Variants in TNPO3 observed in about 807,000 individuals in gnomAD.
The protein encoded by TNPO3 is transportin-3.
Under a neutral mutation model 122.8 loss-of-function variants are expected in TNPO3, and 65 were observed. That is an observed-to-expected ratio of 0.53 (90% CI 0.43 to 0.65). The LOEUF (loss-of-function observed/expected upper bound fraction) is 0.65, where lower values mean the gene tolerates loss of function less well. Among genes scored for constraint, TNPO3 ranks in the 30% least tolerant of loss-of-function variants. The pLI, the probability that TNPO3 is intolerant of heterozygous loss-of-function variation, is 0.00. For synonymous variants in TNPO3, 372 were observed against 411.2 expected (o/e 0.90, Z 1.15); for missense variants, 850 against 1,136.7 (o/e 0.75, Z 3.63).
chr7:128,967,254 C>A, intron 21 of TNPO3, 26 bp downstream of exon 21: 1 of 1,391,966 alleles, frequency 7.2e-7, no homozygotes, highest in South Asian at 1.2e-5. Flanking sequence ...TCCCACACCT[C>A]CTTAAGAACC....
At chr7:128,988,387 A>G (rs1234146863) in intron 11 of TNPO3, among the ~76,000 whole-genome samples, 1 of 152,222 alleles carries the variant, frequency 6.6e-6, no homozygotes, top group Non-Finnish European at 1.5e-5. Context: ...AAAGAAAAAA[A>G]CAAAACCAAA....
intron 1 of TNPO3, among the ~76,000 whole-genome samples, chr7:129,020,034 G>A (rs1288673368): frequency 1.3e-5 from 2 of 151,920 alleles, no homozygotes; most frequent in African/African-American, 4.8e-5. Context: ...TGGGCATGGT[G>A]GCATGCACCT....
chr7:129,013,285 C>A (rs1258137724), intron 4 of TNPO3, among the ~76,000 whole-genome samples: 1 of 151,796 alleles, frequency 6.6e-6, no homozygotes, highest in South Asian at 2.1e-4. Context: ...CAAAAAAAGT[C>A]GACAAAGGTC....
intron 4 of TNPO3, among the ~76,000 whole-genome samples, chr7:129,010,314 C>T (rs1803043685): frequency 6.6e-6 from 1 of 152,092 alleles, no homozygotes; most frequent in South Asian, 2.1e-4. Context: ...ACTACAGGTG[C>T]ATGCCAACAT....
At position 128,970,200 on chromosome 7, in the gene TNPO3, G is replaced by A; in HGVS notation, c.2546C>T (p.Thr849Ile). The change falls in exon 20 of 23, where the codon ACC (threonine) becomes ATC (isoleucine). Residue 849 changes from threonine to isoleucine, a missense_variant. Thr to Ile is a moderately conservative substitution (Grantham distance 89). Transcript: ENST00000265388. ...GAGCACTTCAGCCACATCTGGTAGG[G>A]TATAGGGGGGGAGGCAAAAGCAGCA... ...HTCCFCLPPY[T>I]LPDVAEVLWE... is the part of the protein sequence containing the mutation. The A allele has an allele frequency of 6.2e-7, 1 of 1,614,176 alleles. No homozygotes were observed. Among genetic ancestry groups the A allele is most frequent in the Non-Finnish European group, 8.5e-7 (1 of 1,180,030 alleles).
At chr7:129,016,390 A>G (rs1803865469) in intron 3 of TNPO3, among the ~76,000 whole-genome samples, 1 of 152,192 alleles carries the variant, frequency 6.6e-6, no homozygotes, top group Non-Finnish European at 1.5e-5. Context: ...GCGAGACTCC[A>G]TCTCAAAATA....
chr7:128,974,620 A>C (rs1227151510), intron 18 of TNPO3, among the ~76,000 whole-genome samples: 1 of 151,144 alleles, frequency 6.6e-6, no homozygotes, highest in African/African-American at 2.4e-5. Flanking sequence ...TGCCAGGCAC[A>C]CTGCATTGTC....
At chr7:129,004,056 G>A (rs1356444936) in intron 5 of TNPO3, among the ~76,000 whole-genome samples, 3 of 152,186 alleles carry the variant, frequency 2.0e-5, no homozygotes, top group Non-Finnish European at 2.9e-5. Flanking sequence ...AATGGAGACA[G>A]ACAATGGCAA....
chr7:129,039,491 C>G lies in TNPO3; in HGVS notation c.120+15160G>C, dbSNP rs1030860735. Among the ~76,000 whole-genome samples, 14 of 152,106 alleles carry G rather than the reference C, an allele frequency of 9.2e-5. No homozygotes were observed. In the South Asian group the frequency reaches 1.5e-3, roughly 16 times the overall value. ...GGGAGGATTGCTTGAGCTGGAGAGG[C>G]AGAGGTTGCAGTGAGCAGAAATCAC... On this transcript the variant is annotated intron_variant, in intron 1 of 22. Coordinates refer to ENST00000265388, the MANE Select transcript of TNPO3 (RefSeq NM_012470.4).
chr7:128,979,186 C>T, intron 15 of TNPO3, 63 bp from the exon 16 acceptor site: 1 of 1,595,892 alleles, frequency 6.3e-7, no homozygotes, highest in Non-Finnish European at 8.5e-7. Context: ...TGAAAAACTG[C>T]TAAGTTGGTA....
At chr7:128,958,865 G>A (rs886714134) in intron 21 of TNPO3, among the ~76,000 whole-genome samples, 6 of 152,174 alleles carry the variant, frequency 3.9e-5, no homozygotes, top group Admixed American at 1.3e-4. Flanking sequence ...TTAGCTGGGT[G>A]TGGTGGTGCA....
chr7:129,041,518 G>A, intron 1 of TNPO3: 1 of 982,164 alleles, frequency 1.0e-6, no homozygotes, highest in African/African-American at 1.7e-5. Context: ...ATCAAGGAAG[G>A]AAAAGGGATT....
chr7:129,033,402 T>C (rs527790627), intron 1 of TNPO3, among the ~76,000 whole-genome samples: 7 of 151,822 alleles, frequency 4.6e-5, no homozygotes, highest in East Asian at 1.9e-4. Flanking sequence ...TCACACCCAA[T>C]AGAATGACCA....
chr7:129,024,945 G>C (rs911358949), intron 1 of TNPO3, among the ~76,000 whole-genome samples: 2 of 151,826 alleles, frequency 1.3e-5, no homozygotes, highest in African/African-American at 4.8e-5. Context: ...AGGCTGCAGT[G>C]AGCCATGACC....
At chr7:128,975,030 A>G (rs1170990364) in intron 17 of TNPO3, 68 bp from the exon 18 acceptor site, 2 of 1,203,924 alleles carry the variant, frequency 1.7e-6, no homozygotes, top group African/African-American at 1.5e-5. Flanking sequence ...GACTTGCCAA[A>G]TATTTATTAC....
chr7:129,027,877 G>C (rs1237708917), intron 1 of TNPO3, among the ~76,000 whole-genome samples: 2 of 152,116 alleles, frequency 1.3e-5, no homozygotes, highest in Non-Finnish European at 2.9e-5. Context: ...CTCTTGAGTT[G>C]GGACCCAGTG....
At chr7:128,982,872 C>CT (rs1359551596) in intron 13 of TNPO3, among the ~76,000 whole-genome samples, 1 of 152,178 alleles carries the variant, frequency 6.6e-6, no homozygotes, top group African/African-American at 2.4e-5. Context: ...AGTTATTGCA[C>CT]TATAAATATA....
chr7:128,967,465 C>G, intron 20 of TNPO3, 73 bp from the exon 21 acceptor site: 1 of 939,512 alleles, frequency 1.1e-6, no homozygotes. Flanking sequence ...CAGATACTAA[C>G]AAAACCCCAC....
chr7:129,045,048 C>T (rs531465610), intron 1 of TNPO3, among the ~76,000 whole-genome samples: 7 of 152,238 alleles, frequency 4.6e-5, no homozygotes, highest in Non-Finnish European at 7.4e-5. Context: ...GACAATGCTA[C>T]GCACATGGAT....
Sources: allele counts gnomAD v4.1 joint callset (sites outside exome capture counted in the v4.1 genomes callset), GRCh38; gene constraint gnomAD v4.1.1; transcripts MANE v1.5; gene names NCBI Gene and HGNC (gene_info 2026-07-23, HGNC 2026-07-21).